Variants in SNX13 observed in about 807,000 individuals in gnomAD.
SNX13 encodes sorting nexin-13.
A neutral mutation model predicts 133.6 loss-of-function variants in SNX13; 45 were observed. That is an observed-to-expected ratio of 0.34 (90% CI 0.27 to 0.43). The LOEUF is 0.43. SNX13 is among the 20% of genes least tolerant of loss of function. The probability of loss-of-function intolerance (pLI) is 1.00; values close to 1 mark genes in which losing one functional copy is unlikely to be tolerated. For missense variants in SNX13, 1,032 were observed against 1,145.1 expected, an observed-to-expected ratio of 0.90 and a Z score of 1.43; for synonymous variants, 414 against 373.9, an observed-to-expected ratio of 1.11 and a Z score of -1.24.
At chr7:17,891,060 A>T (rs1796570927) in intron 4 of SNX13, among the ~76,000 whole-genome samples, 1 of 152,002 alleles carries the variant, frequency 6.6e-6, no homozygotes, top group Non-Finnish European at 1.5e-5. Context: ...TAGTAATAAT[A>T]ATAAATGTTA....
Position 17,910,882 on chromosome 7 carries a change from C to A in SNX13, c.13-13436G>T, listed in dbSNP as rs150154737. Among the ~76,000 whole-genome samples the A allele has an allele frequency of 1.7e-3, 254 of 152,200 alleles. 4 individuals are homozygous for A. The East Asian group carries it at 0.044, about 27-fold the overall frequency. On this transcript the variant is annotated intron_variant, in intron 1 of 25. Coordinates refer to ENST00000428135, the MANE Select transcript of SNX13 (RefSeq NM_015132.5). Reference sequence around the variant, plus strand: ...ACAGAACTCAGATTGGTGACTGCCACGGGCTGGGGCGGAAGAGGAAAATGG... The same window carrying A: ...ACAGAACTCAGATTGGTGACTGCCAAGGGCTGGGGCGGAAGAGGAAAATGG...
chr7:17,845,811 C>T (rs564139004), intron 11 of SNX13, 117 bp from the exon 12 acceptor site: 2 of 620,356 alleles, frequency 3.2e-6, no homozygotes, highest in African/African-American at 3.8e-5. Context: ...AAGTTTTTCC[C>T]TTCTCATGCA....
At chr7:17,911,412 G>T (rs957393542) in intron 1 of SNX13, among the ~76,000 whole-genome samples, 1 of 152,190 alleles carries the variant, frequency 6.6e-6, no homozygotes, top group Non-Finnish European at 1.5e-5. Context: ...GCTAAGGCAG[G>T]CAGATCACTT....
chr7:17,899,825 GT>G (rs1377090068), intron 1 of SNX13: 1 of 151,992 alleles, frequency 6.6e-6, no homozygotes, highest in Non-Finnish European at 1.5e-5. Flanking sequence ...AGTCCATTTG[GT>G]GAGGCCAATG....
At chr7:17,888,532 C>A (rs1383219974) in intron 5 of SNX13, 3 of 274,770 alleles carry the variant, frequency 1.1e-5, no homozygotes, top group African/African-American at 4.6e-5. Flanking sequence ...TTCTAACTCA[C>A]TAGATAACAT....
At chr7:17,919,631 AAC>A (rs1799913281) in intron 1 of SNX13, among the ~76,000 whole-genome samples, 1 of 152,192 alleles carries the variant, frequency 6.6e-6, no homozygotes, top group Non-Finnish European at 1.5e-5. Context: ...AGAGTTCTAT[AAC>A]AAATACCCGA....
chr7:17,918,033 G>A (rs1444467018), intron 1 of SNX13, among the ~76,000 whole-genome samples: 3 of 151,910 alleles, frequency 2.0e-5, no homozygotes, highest in Non-Finnish European at 4.4e-5. Context: ...CGACAACATC[G>A]ACAAAAATAA....
rs1385993746 is a variant in SNX13, at chr7:17,793,878, T to C, written c.*167A>G. On this transcript the variant is annotated 3_prime_UTR_variant, in exon 26 of 26. Coordinates refer to ENST00000428135, the MANE Select transcript of SNX13 (RefSeq NM_015132.5). ...AGAAATCTCTCTTGGTAGTGGTGGA[T>C]TATAGATGAGAATGAGAAGAACCAC... The C allele has an allele frequency of 5.8e-6, 4 of 695,480 alleles. No homozygotes were observed. Among genetic ancestry groups the C allele is most frequent in the South Asian group, 2.7e-5 (1 of 36,482 alleles). 43.1% of individuals were successfully genotyped at this position (695,480 alleles called of 1,614,324 possible).
rs142393098 is a variant in SNX13, at chr7:17,911,345, C to G, written c.13-13899G>C. 1.2e-3 allele frequency among the ~76,000 whole-genome samples: 185 copies of G among 152,196 alleles called. 1 individual carries two copies. Among genetic ancestry groups the G allele is most frequent in the African/African-American group, 4.2e-3 (174 of 41,536 alleles). On this transcript the variant is annotated intron_variant, in intron 1 of 25. Transcript: ENST00000428135. ...GTTTTTCAGGAAAGTCATTAGAAAG[C>G]TAAACATAATTGCCGGGGCGCAGTG...
rs748088860 is a variant in SNX13 at position 17,801,612 on chromosome 7, T to C, written c.2274A>G (p.Arg758=). The C allele has an allele frequency of 3.1e-6, 5 of 1,609,256 alleles. No homozygotes were observed. The Admixed American group carries it at 8.4e-5, about 27-fold the overall frequency. Residue 758 remains arginine (R), a synonymous_variant, in exon 22 of 26, where the codon CGA becomes CGG. Transcript: ENST00000428135. ...CATTATCGTCAAGTTGAGCCGAAAC[T>C]CGGCGATGTTCAGGGTCTGAATCAG... ...PKTDSDPEHR[R]VSAQLDDNVD...
intron 1 of SNX13, among the ~76,000 whole-genome samples, chr7:17,910,550 TTCCAC>T (rs893352021): frequency 6.6e-6 from 1 of 152,142 alleles, no homozygotes; most frequent in African/African-American, 2.4e-5. Context: ...GACTCAGCAA[TTCCAC>T]TCCTATGTAC....
Position 17,850,392 on chromosome 7 carries a change from T to A in SNX13, c.1020A>T (p.Val340=). ...IKNQINSLLF[V]KKVCDSRIQR... ...GTATTCTTGAGTCACATACCTTCTT[T>A]ACGAATAGTAAGCTATTTATTTGAT... Residue 340 remains valine, a synonymous_variant, in exon 11 of 26, where the codon GTA becomes GTT. Coordinates refer to ENST00000428135, the MANE Select transcript of SNX13 (RefSeq NM_015132.5). 6.3e-7 allele frequency: 1 copy of A among 1,594,728 alleles called. No individual in the cohort carries two copies. Among genetic ancestry groups the A allele is most frequent in the Non-Finnish European group, 8.5e-7 (1 of 1,171,542 alleles).
chr7:17,849,414 A>T (rs569712112), intron 11 of SNX13, among the ~76,000 whole-genome samples: 103 of 152,266 alleles, frequency 6.8e-4, no homozygotes, highest in African/African-American at 2.4e-3. Context: ...AGTATTGCAA[A>T]TAATCTCTCA....
intron 4 of SNX13, among the ~76,000 whole-genome samples, chr7:17,890,945 A>G (rs1219973156): frequency 2.0e-5 from 3 of 151,968 alleles, no homozygotes; most frequent in African/African-American, 7.2e-5. Flanking sequence ...ACAGGAGTTC[A>G]CTTATTTCTA....
At chr7:17,879,724 A>G (rs1473586079) in intron 5 of SNX13, 2 of 152,238 alleles carry the variant, frequency 1.3e-5, no homozygotes, top group Non-Finnish European at 1.5e-5. Flanking sequence ...CAGTAGCACA[A>G]AACACTACCA....
intron 8 of SNX13, among the ~76,000 whole-genome samples, chr7:17,869,678 A>G (rs1384676172): frequency 6.6e-6 from 1 of 152,196 alleles, no homozygotes; most frequent in Non-Finnish European, 1.5e-5. Context: ...TGGAGGCACC[A>G]GTAATTTTTT....
intron 9 of SNX13, among the ~76,000 whole-genome samples, chr7:17,857,929 AC>A (rs879566864): frequency 2.2e-4 from 33 of 152,304 alleles, no homozygotes; most frequent in Middle Eastern, 3.4e-3. Flanking sequence ...AGCACAAAAA[AC>A]ATTATCATTT....
At chr7:17,804,460 G>A (rs369803217) in intron 20 of SNX13, among the ~76,000 whole-genome samples, 7 of 152,124 alleles carry the variant, frequency 4.6e-5, no homozygotes, top group East Asian at 3.9e-4. Flanking sequence ...GAAAAGAGAC[G>A]TTGCAAATCA....
At chr7:17,908,379 T>C (rs188454869) in intron 1 of SNX13, among the ~76,000 whole-genome samples, 3 of 152,334 alleles carry the variant, frequency 2.0e-5, no homozygotes, top group Admixed American at 6.5e-5. Flanking sequence ...TCTAAAATAC[T>C]TGGCTTTTCC....
Sources: gnomAD v4.1 joint callset for allele counts (sites outside exome capture counted in the v4.1 genomes callset) on GRCh38, gnomAD v4.1.1 for gene constraint, MANE v1.5 for transcripts, NCBI Gene and HGNC (gene_info 2026-07-23, HGNC 2026-07-21) for gene names.